The following STEAP4 variants were observed in gnomAD, a reference collection of about 807,000 sequenced individuals.
STEAP4 encodes the protein STEAP4 metalloreductase.
Under a neutral mutation model 43.6 loss-of-function variants are expected in STEAP4, and 36 were observed. The observed-to-expected ratio is 0.83, with a 90% confidence interval of 0.63 to 1.09. The LOEUF is 1.09. STEAP4 is among the 50% of genes least tolerant of loss of function. STEAP4 has a pLI of 0.00. For missense variants in STEAP4, 495 were observed against 546.5 expected (o/e 0.91, Z 0.94); for synonymous variants, 191 against 196.7 (o/e 0.97, Z 0.24).
chr7:88,305,125 C>A (rs1162602443), intron 1 of STEAP4, among the ~76,000 whole-genome samples: 1 of 152,132 alleles, frequency 6.6e-6, no homozygotes, highest in Non-Finnish European at 1.5e-5. Context: ...AGGGGCCAGG[C>A]CTTGTACACC....
intron 2 of STEAP4, 112 bp from the exon 3 acceptor site, chr7:88,283,280 G>T: frequency 9.0e-7 from 1 of 1,117,314 alleles, no homozygotes; most frequent in Non-Finnish European, 1.2e-6. Context: ...ACAGTGAACC[G>T]ATTTTAAAAT....
intron 1 of STEAP4, among the ~76,000 whole-genome samples, chr7:88,302,964 A>T (rs956018030): frequency 1.3e-5 from 2 of 150,582 alleles, no homozygotes; most frequent in Non-Finnish European, 3.0e-5. Flanking sequence ...AAAAAAAAAA[A>T]AAAAAAAAAA....
chr7:88,303,737 G>A (rs980834688), intron 1 of STEAP4, among the ~76,000 whole-genome samples: 1 of 152,074 alleles, frequency 6.6e-6, no homozygotes, highest in African/African-American at 2.4e-5. Context: ...AACAGCACAA[G>A]GATTCATTGT....
At chr7:88,306,081 C>G (rs958125902) in intron 1 of STEAP4, among the ~76,000 whole-genome samples, 18 of 152,178 alleles carry the variant, frequency 1.2e-4, no homozygotes, top group African/African-American at 3.4e-4. Context: ...GTTGGCCAGG[C>G]TGGTCTCGAA....
In STEAP4 at chr7:88,282,621, A is replaced by G. The variant is rs1255013174; in HGVS notation, c.984+20T>C. ...TCTCTGATTTCAGGAGCAGAAGAAAATATATAAGAAGAGATTTACCTGGGT... is the reference window on the plus strand; with the variant it reads ...TCTCTGATTTCAGGAGCAGAAGAAAGTATATAAGAAGAGATTTACCTGGGT... On this transcript the variant is annotated intron_variant, in intron 3 of 4. Transcript: ENST00000380079. The G allele has an allele frequency of 1.9e-6, 3 of 1,595,630 alleles. No homozygotes were observed. Among genetic ancestry groups the G allele is most frequent in the Non-Finnish European group, 2.6e-6 (3 of 1,168,366 alleles).
chr7:88,299,576 A>G (rs1391473663), intron 1 of STEAP4, among the ~76,000 whole-genome samples: 1 of 152,202 alleles, frequency 6.6e-6, no homozygotes, highest in Admixed American at 6.5e-5. Flanking sequence ...CTACATAAGC[A>G]TTTGCTTAAT....
rs746521555 is a variant in STEAP4, at chr7:88,279,566, C to T, written c.1212G>A (p.Lys404=). The change falls in exon 5 of 5, where the codon AAG becomes AAA. Residue 404 remains lysine, a synonymous_variant. Transcript: ENST00000380079. The part of the protein sequence containing the change: ...CTAHTLVYGG[K]RFLSPSNLRW... ...TGAGATTTGAAGGGCTGAGGAATCT[C>T]TTCCCACCGTACACCAGGGTGTGGG... 3 of 1,613,954 alleles carry T rather than the reference C, an allele frequency of 1.9e-6. No individual in the cohort carries two copies. The highest frequency in any genetic ancestry group is 2.5e-6 in the Non-Finnish European group (3 of 1,179,928).
At chr7:88,303,595 C>G (rs900116954) in intron 1 of STEAP4, among the ~76,000 whole-genome samples, 28 of 151,952 alleles carry the variant, frequency 1.8e-4, no homozygotes, top group Non-Finnish European at 3.1e-4. Flanking sequence ...TGAATAAACT[C>G]TTACAGAACA....
rs544633952 is a variant in STEAP4 at position 88,291,048 on chromosome 7, T to C, written c.-2-6777A>G. ...TGTTTAAGAAAATGGGTATTTTAAA[T>C]AGATTGGTAATCTATTAGTTATTGA... On this transcript the variant is annotated intron_variant, in intron 1 of 4. Transcript: ENST00000380079. 7.9e-5 allele frequency: 12 copies of C among 152,286 alleles called. No individual in the cohort carries two copies. In the South Asian group the frequency reaches 2.3e-3, roughly 29 times the overall value. 9.4% of individuals were successfully genotyped at this position (152,286 alleles called of 1,614,324 possible). A position where few individuals can be genotyped will look rare whatever the true frequency, so the allele number is the denominator to read the frequency against.
rs1852491046 is a variant in STEAP4 at position 88,274,984 on chromosome 7, A to ATCAGCAAGGTCTT, written c.*4401_*4413dup. On this transcript the variant is annotated 3_prime_UTR_variant, in exon 5 of 5. Coordinates refer to ENST00000380079, the MANE Select transcript of STEAP4 (RefSeq NM_024636.4). The stretch of plus-strand genomic sequence containing the variant: ...CGGCTTCTTTATTGCATCCTGTTTT[A>ATCAGCAAGGTCTT]TCAGCAAGGTCTTTGTGACCTGTAC... The ATCAGCAAGGTCTT allele has an allele frequency of 6.6e-6, 1 of 152,208 alleles. No individual in the cohort carries two copies. Among genetic ancestry groups the ATCAGCAAGGTCTT allele is most frequent in the South Asian group, 2.1e-4 (1 of 4,830 alleles). 9.4% of individuals were successfully genotyped at this position (152,208 alleles called of 1,614,324 possible). A position where few individuals can be genotyped will look rare whatever the true frequency, so the allele number is the denominator to read the frequency against.
intron 2 of STEAP4, 118 bp downstream of exon 2, chr7:88,283,696 G>A: frequency 8.8e-7 from 1 of 1,130,272 alleles, no homozygotes; most frequent in Non-Finnish European, 1.2e-6. Context: ...GCACATATTA[G>A]CAAAATGTAA....
chr7:88,287,126 C>A (rs1041223280), intron 1 of STEAP4, among the ~76,000 whole-genome samples: 1 of 152,180 alleles, frequency 6.6e-6, no homozygotes, highest in Non-Finnish European at 1.5e-5. Flanking sequence ...CCAAATCAGA[C>A]ACCTTGCATT....
In STEAP4 at chr7:88,282,147, C is replaced by CT. The variant is rs202221497; in HGVS notation, c.984+493dup. 6.2e-3 allele frequency: 896 copies of CT among 145,118 alleles called. 1 individual carries two copies. Among genetic ancestry groups the CT allele is most frequent in the Non-Finnish European group, 6.7e-3 (443 of 66,030 alleles). 9.0% of individuals were successfully genotyped at this position (145,118 alleles called of 1,614,324 possible). The stretch of plus-strand genomic sequence containing the variant: ...CTGGAAAGTATCATTTTTTTTCTTT[C>CT]TTTTTTTTTTTTTCTTTTTGAGATG... On this transcript the variant is annotated intron_variant, in intron 3 of 4. Transcript: ENST00000380079.
rs1852471451 is a variant in STEAP4, at chr7:88,273,599, A to G, written c.*5799T>C. 6.6e-6 allele frequency: 1 copy of G among 152,116 alleles called. No individual in the cohort carries two copies. The highest frequency in any genetic ancestry group is 1.5e-5 in the Non-Finnish European group (1 of 68,036). The allele number at this position is 152,116 out of a possible 1,614,324, so 9.4% of individuals were successfully genotyped here. ...TGAAATTTCTTGCATGGGTTACTGG[A>G]TCTCAAAAACAAATAAGTTCACTCA... On this transcript the variant is annotated 3_prime_UTR_variant, in exon 5 of 5. Transcript: ENST00000380079.
chr7:88,295,872 A>G (rs1852915619), intron 1 of STEAP4, among the ~76,000 whole-genome samples: 1 of 152,158 alleles, frequency 6.6e-6, no homozygotes, highest in Non-Finnish European at 1.5e-5. Context: ...ACAGGATGTT[A>G]AGGTTGTAAG....
intron 2 of STEAP4, chr7:88,283,474 G>A: frequency 2.1e-6 from 1 of 472,354 alleles, no homozygotes; most frequent in Non-Finnish European, 3.7e-6. Context: ...ACTTATGAAT[G>A]CTTCTAATCT....
At chr7:88,295,490 C>A (rs1464302621) in intron 1 of STEAP4, among the ~76,000 whole-genome samples, 3 of 152,118 alleles carry the variant, frequency 2.0e-5, no homozygotes, top group Admixed American at 6.6e-5. Flanking sequence ...AGCCTGGGCA[C>A]TTTTTTAAGC....
chr7:88,280,403 G>C (rs1035056961), intron 4 of STEAP4, among the ~76,000 whole-genome samples: 1 of 152,174 alleles, frequency 6.6e-6, no homozygotes, highest in Non-Finnish European at 1.5e-5. Flanking sequence ...AGATGCTGCT[G>C]GTCCTGGTGC....
Position 88,282,762 on chromosome 7 carries a change from A to G in STEAP4, c.863T>C (p.Leu288Pro), listed in dbSNP as rs1165985933. The change falls in exon 3 of 5, where the codon CTT (leucine) becomes CCT (proline). Residue 288 changes from leucine (L) to proline (P), a missense_variant. Leu to Pro is a moderately conservative substitution (Grantham distance 98). Coordinates refer to ENST00000380079, the MANE Select transcript of STEAP4 (RefSeq NM_024636.4). ...RFPDWLDHWM[L>P]CRKQLGLVAL... ...TACCAAGCCAAGCTGCTTTCGGCAA[A>G]GCATCCAGTGGTCAAGCCAGTCTGG... 6.2e-7 allele frequency: 1 copy of G among 1,614,178 alleles called. No individual in the cohort carries two copies. The highest frequency in any genetic ancestry group is 2.2e-5 in the East Asian group (1 of 44,874).
Sources: gnomAD v4.1 joint callset for allele counts (sites outside exome capture counted in the v4.1 genomes callset) on GRCh38, gnomAD v4.1.1 for gene constraint, MANE v1.5 for transcripts, NCBI Gene and HGNC (gene_info 2026-07-23, HGNC 2026-07-21) for gene names.